Variants in MMP16 observed in about 807,000 individuals in gnomAD.
MMP16 encodes the protein matrix metalloproteinase-16.
MMP16 carries 12 observed loss-of-function variants against 67.8 expected under a neutral mutation model. That is an observed-to-expected ratio of 0.18 (90% confidence interval 0.11 to 0.29). The LOEUF (loss-of-function observed/expected upper bound fraction) is 0.29. MMP16 is among the 10% of genes least tolerant of loss of function. MMP16 has a pLI of 1.00. For synonymous variants in MMP16, 249 were observed against 255.9 expected (o/e 0.97, Z 0.26); for missense variants, 475 against 765.7 (o/e 0.62, Z 4.48).
chr8:88,199,680 T>C (rs1241471713), intron 1 of MMP16, among the ~76,000 whole-genome samples: 1 of 151,996 alleles, frequency 6.6e-6, no homozygotes, highest in Non-Finnish European at 1.5e-5. Context: ...TCACTGTTCT[T>C]AAAAATAAAT....
chr8:88,142,599 T>C (rs1231662607), intron 4 of MMP16, among the ~76,000 whole-genome samples: 1 of 152,154 alleles, frequency 6.6e-6, no homozygotes, highest in African/African-American at 2.4e-5. Flanking sequence ...AAAAATATTA[T>C]AAACCATATT....
At chr8:88,327,000 A>G in intron 1 of MMP16, 75 bp downstream of exon 1, 5 of 1,587,060 alleles carry the variant, frequency 3.2e-6, no homozygotes, top group Non-Finnish European at 4.3e-6. Context: ...AGCTACAAGG[A>G]TCCCAGGAGT....
intron 1 of MMP16, among the ~76,000 whole-genome samples, chr8:88,244,754 C>A (rs1394729539): frequency 6.6e-6 from 1 of 152,168 alleles, no homozygotes; most frequent in East Asian, 1.9e-4. Flanking sequence ...CTGGCTATAA[C>A]ATCTTTCTTT....
chr8:88,272,062 A>G (rs1305227214), intron 1 of MMP16, among the ~76,000 whole-genome samples: 5 of 152,222 alleles, frequency 3.3e-5, no homozygotes, highest in Non-Finnish European at 1.5e-5. Flanking sequence ...TATATAAACT[A>G]CATTAATAAC....
intron 1 of MMP16, among the ~76,000 whole-genome samples, chr8:88,244,090 C>A (rs770739089): frequency 6.6e-6 from 1 of 151,700 alleles, no homozygotes; most frequent in Non-Finnish European, 1.5e-5. Flanking sequence ...ATTAAGCTGA[C>A]GTGTTTCCTT....
At chr8:88,053,170 G>T (rs564253036) in intron 8 of MMP16, among the ~76,000 whole-genome samples, 1 of 152,300 alleles carries the variant, frequency 6.6e-6, no homozygotes, top group Admixed American at 6.5e-5. Context: ...GCTGCCTCAT[G>T]TTCATACTGT....
intron 1 of MMP16, among the ~76,000 whole-genome samples, chr8:88,309,038 T>A (rs16880925): frequency 0.053 from 8,137 of 152,096 alleles, 361 homozygotes; most frequent in Admixed American, 0.12. Context: ...CTGGCAAGTG[T>A]GTGTGGAACC....
intron 4 of MMP16, among the ~76,000 whole-genome samples, chr8:88,134,842 T>C (rs927935741): frequency 6.6e-6 from 1 of 151,708 alleles, no homozygotes; most frequent in Non-Finnish European, 1.5e-5. Flanking sequence ...ATGCCACTGA[T>C]ATATGTAGGT....
chr8:88,292,512 T>A (rs1033146310), intron 1 of MMP16, among the ~76,000 whole-genome samples: 2 of 152,210 alleles, frequency 1.3e-5, no homozygotes. Flanking sequence ...GGCTGTTATG[T>A]ACCCAAATTG....
chr8:88,122,742 G>A (rs1807860292), intron 4 of MMP16, among the ~76,000 whole-genome samples: 1 of 151,514 alleles, frequency 6.6e-6, no homozygotes, highest in Non-Finnish European at 1.5e-5. Context: ...CAGCCTCCGA[G>A]ATGACAACAG....
intron 1 of MMP16, among the ~76,000 whole-genome samples, chr8:88,198,982 A>G (rs749272381): frequency 4.6e-5 from 7 of 152,096 alleles, no homozygotes; most frequent in Non-Finnish European, 8.8e-5. Context: ...ATGAAAGTCA[A>G]TACCTATTGT....
chr8:88,296,172 T>A (rs968059235), intron 1 of MMP16, among the ~76,000 whole-genome samples: 1 of 152,216 alleles, frequency 6.6e-6, no homozygotes, highest in African/African-American at 2.4e-5. Context: ...CAGCTTCTAC[T>A]AATTAACAGA....
intron 3 of MMP16, among the ~76,000 whole-genome samples, chr8:88,182,686 A>G (rs972066518): frequency 2.0e-5 from 3 of 152,168 alleles, no homozygotes; most frequent in African/African-American, 7.2e-5. Flanking sequence ...TTATCATATG[A>G]TCAGCAATGA....
At chr8:88,163,589 T>C (rs1808666341) in intron 4 of MMP16, among the ~76,000 whole-genome samples, 1 of 152,114 alleles carries the variant, frequency 6.6e-6, no homozygotes, top group Non-Finnish European at 1.5e-5. Context: ...CCTGCTTTGC[T>C]TGGAGTATCC....
At chr8:88,049,881 T>G (rs1808247625) in intron 8 of MMP16, among the ~76,000 whole-genome samples, 1 of 152,046 alleles carries the variant, frequency 6.6e-6, no homozygotes. Flanking sequence ...AAAAACTAGC[T>G]GGGCATGGTG....
At chr8:88,072,661 G>A (rs903127342) in intron 7 of MMP16, among the ~76,000 whole-genome samples, 2 of 152,072 alleles carry the variant, frequency 1.3e-5, no homozygotes, top group Admixed American at 1.3e-4. Flanking sequence ...GTCAAATCAG[G>A]ATTCAGTGAT....
intron 9 of MMP16, among the ~76,000 whole-genome samples, chr8:88,046,465 T>G (rs1808200239): frequency 6.6e-6 from 1 of 152,196 alleles, no homozygotes; most frequent in East Asian, 1.9e-4. Flanking sequence ...CTAATGACTT[T>G]TTTATAAACT....
intron 1 of MMP16, among the ~76,000 whole-genome samples, chr8:88,275,900 T>C (rs1718128204): frequency 6.6e-6 from 1 of 152,036 alleles, no homozygotes; most frequent in African/African-American, 2.4e-5. Context: ...TTGTAAGCTA[T>C]GAATCTGACA....
intron 6 of MMP16, among the ~76,000 whole-genome samples, chr8:88,075,867 C>A (rs936515804): frequency 1.3e-5 from 2 of 151,462 alleles, no homozygotes; most frequent in Admixed American, 1.3e-4. Flanking sequence ...TTAGGACCTT[C>A]TCATGCTTTT....
Sources: allele counts gnomAD v4.1 joint callset (sites outside exome capture counted in the v4.1 genomes callset), GRCh38; gene constraint gnomAD v4.1.1; transcripts MANE v1.5; gene names NCBI Gene and HGNC (gene_info 2026-07-23, HGNC 2026-07-21).